DDC: variants seen among roughly 807,000 people sequenced by gnomAD.
The protein encoded by DDC is dopa decarboxylase, also known as aromatic-L-amino-acid decarboxylase.
DDC carries 43 observed loss-of-function variants against 60.0 expected under a neutral mutation model. That is an observed-to-expected ratio of 0.72 (90% CI 0.56 to 0.92). DDC has a LOEUF of 0.92. DDC is among the 40% of genes least tolerant of loss of function. The pLI, the probability that DDC is intolerant of heterozygous loss-of-function variation, is 0.00. For missense variants in DDC, 573 were observed against 620.2 expected, an observed-to-expected ratio of 0.92 and a Z score of 0.81; for synonymous variants, 232 against 234.6, an observed-to-expected ratio of 0.99 and a Z score of 0.10.
chr7:50,532,081 G>A (rs1046834103), intron 4 of DDC, among the ~76,000 whole-genome samples: 4 of 152,160 alleles, frequency 2.6e-5, no homozygotes, highest in African/African-American at 9.7e-5. Flanking sequence ...ACTCAGACAC[G>A]CATCACTGCG....
intron 11 of DDC, among the ~76,000 whole-genome samples, chr7:50,472,396 G>A (rs900994969): frequency 2.0e-5 from 3 of 152,098 alleles, no homozygotes; most frequent in Admixed American, 6.5e-5. Flanking sequence ...GATGCTTCCC[G>A]GACATCAAAT....
chr7:50,469,497 T>G (rs766983654), intron 12 of DDC, among the ~76,000 whole-genome samples: 1 of 152,150 alleles, frequency 6.6e-6, no homozygotes. Flanking sequence ...ATAATTGCCA[T>G]TGCTCAATGA....
chr7:50,510,143 G>GT (rs934915251), intron 6 of DDC, among the ~76,000 whole-genome samples: 8 of 151,774 alleles, frequency 5.3e-5, no homozygotes, highest in Non-Finnish European at 1.2e-4. Flanking sequence ...GGCTAATTTT[G>GT]TTTTTGTATT....
chr7:50,495,966 A>G (rs988180630), intron 8 of DDC, among the ~76,000 whole-genome samples: 1 of 152,356 alleles, frequency 6.6e-6, no homozygotes, highest in East Asian at 1.9e-4. Context: ...ACAGTGGGAA[A>G]GAGGAAATTT....
intron 11 of DDC, among the ~76,000 whole-genome samples, chr7:50,471,751 T>C (rs941996442): frequency 6.6e-6 from 1 of 152,172 alleles, no homozygotes; most frequent in Non-Finnish European, 1.5e-5. Context: ...TGGTCAGCAC[T>C]GTTTGCAAGC....
At chr7:50,476,806 T>G (rs2042656879) in intron 10 of DDC, among the ~76,000 whole-genome samples, 163 bp from the exon 11 acceptor site, 1 of 152,164 alleles carries the variant, frequency 6.6e-6, no homozygotes, top group South Asian at 2.1e-4. Context: ...CTTCCCAGGG[T>G]AACATATTCT....
chr7:50,509,912 C>T (rs1459961718), intron 6 of DDC, among the ~76,000 whole-genome samples: 1 of 152,074 alleles, frequency 6.6e-6, no homozygotes, highest in Admixed American at 6.5e-5. Context: ...TAAATCATTC[C>T]CAAGAAATTC....
At chr7:50,501,370 C>A (rs1189861827) in intron 7 of DDC, among the ~76,000 whole-genome samples, 1 of 152,228 alleles carries the variant, frequency 6.6e-6, no homozygotes, top group Non-Finnish European at 1.5e-5. Flanking sequence ...CATCGGCAAC[C>A]TAACTGACTT....
At chr7:50,520,284 A>G (rs994005964) in intron 6 of DDC, among the ~76,000 whole-genome samples, 6 of 152,248 alleles carry the variant, frequency 3.9e-5, no homozygotes, top group African/African-American at 1.4e-4. Context: ...AAGCCATAAA[A>G]TACATCTCAA....
chr7:50,472,027 T>G lies in DDC; in HGVS notation c.1042-1856A>C, dbSNP rs533071128. On this transcript the variant is annotated intron_variant, in intron 11 of 14. Coordinates refer to ENST00000444124, the MANE Select transcript of DDC (RefSeq NM_001082971.2). ...TCCCGGAGTGAAAATGCACACAATC[T>G]AATTGAATGCTCACTCAAATGTGGC... Among the ~76,000 whole-genome samples the G allele has an allele frequency of 3.1e-4, 47 of 152,168 alleles. 1 individual carries two copies. Among genetic ancestry groups the G allele is most frequent in the Non-Finnish European group, 5.3e-4 (36 of 68,022 alleles).
intron 6 of DDC, among the ~76,000 whole-genome samples, chr7:50,523,049 A>G (rs1482977845): frequency 1.3e-5 from 2 of 152,300 alleles, no homozygotes; most frequent in African/African-American, 4.8e-5. Context: ...AACACTGAGG[A>G]TTACAATTCC....
rs761808166 is a variant in DDC at position 50,479,849 on chromosome 7, G to A, written c.959C>T (p.Thr320Ile). The A allele has an allele frequency of 6.2e-7, 1 of 1,613,462 alleles. No homozygotes were observed. Among genetic ancestry groups the A allele is most frequent in the Admixed American group, 1.7e-5 (1 of 60,000 alleles). ...DCSAMWVKKR[T>I]DLTGAFRLDP... Reference sequence around the variant, plus strand: ...CAGTCTAAAGGCTCCCGTTAAGTCTGTTCTCTTTTTCACCCTGGTTTTAGA... The same window carrying A: ...CAGTCTAAAGGCTCCCGTTAAGTCTATTCTCTTTTTCACCCTGGTTTTAGA... The change falls in exon 10 of 15, where the codon ACA becomes ATA. Residue 320 changes from threonine (T) to isoleucine (I), a missense_variant. Transcript: ENST00000444124.
In DDC at chr7:50,483,506, A is replaced by G. The variant is rs1199083525; in HGVS notation, c.945-3643T>C. ...TAGAATCAAATTTAGACTGGCTTCA[A>G]GATATAAGAGGCAGTGTGGCCTCTT... is the stretch of plus-strand genomic sequence containing the variant. On this transcript the variant is annotated intron_variant, in intron 9 of 14. Transcript: ENST00000444124. Among the ~76,000 whole-genome samples the G allele has an allele frequency of 2.0e-5, 3 of 152,198 alleles. No homozygotes were observed. The East Asian group carries it at 5.8e-4, about 29-fold the overall frequency.
chr7:50,529,713 A>C (rs1470243883), intron 4 of DDC, among the ~76,000 whole-genome samples: 2 of 152,060 alleles, frequency 1.3e-5, no homozygotes, highest in Non-Finnish European at 2.9e-5. Flanking sequence ...TGCAAGCCTG[A>C]CTCTGCGTTC....
chr7:50,552,724 G>A (rs1219115381), intron 1 of DDC, among the ~76,000 whole-genome samples: 1 of 152,172 alleles, frequency 6.6e-6, no homozygotes, highest in Non-Finnish European at 1.5e-5. Context: ...AGCACTGTAG[G>A]TATTTGCTGA....
intron 4 of DDC, among the ~76,000 whole-genome samples, chr7:50,530,078 G>A (rs575023540): frequency 1.0e-3 from 152 of 152,100 alleles, no homozygotes; most frequent in African/African-American, 3.4e-3. Context: ...GCAACATACC[G>A]AAACCCTGTA....
intron 9 of DDC, among the ~76,000 whole-genome samples, chr7:50,492,080 A>G (rs2043008514): frequency 9.3e-6 from 1 of 107,524 alleles, no homozygotes; most frequent in South Asian, 2.9e-4. Context: ...CCATGTGAGG[A>G]CAGGGAGAAG....
intron 6 of DDC, among the ~76,000 whole-genome samples, chr7:50,514,960 A>T (rs2043686794): frequency 6.6e-6 from 1 of 152,216 alleles, no homozygotes; most frequent in African/African-American, 2.4e-5. Context: ...CCCGAGGAAG[A>T]AGAGAATTCT....
chr7:50,549,953 T>C (rs2044933377), intron 1 of DDC, among the ~76,000 whole-genome samples: 1 of 152,252 alleles, frequency 6.6e-6, no homozygotes, highest in Non-Finnish European at 1.5e-5. Flanking sequence ...CTGTGAGTAT[T>C]GTTGAAACAA....
Sources: gnomAD v4.1 joint callset for allele counts (sites outside exome capture counted in the v4.1 genomes callset) on GRCh38, gnomAD v4.1.1 for gene constraint, MANE v1.5 for transcripts, NCBI Gene and HGNC (gene_info 2026-07-23, HGNC 2026-07-21) for gene names.